The following GLCCI1 variants were observed in gnomAD, a reference collection of about 807,000 sequenced individuals.
GLCCI1 encodes the protein glucocorticoid induced 1.
A neutral mutation model predicts 52.2 loss-of-function variants in GLCCI1; 24 were observed. The observed-to-expected ratio is 0.46, with a 90% confidence interval of 0.33 to 0.65. The LOEUF is 0.65. Ranked by LOEUF, GLCCI1 falls within the 30% of genes least tolerant of loss-of-function variation. The pLI, the probability that GLCCI1 is intolerant of heterozygous loss-of-function variation, is 0.02. For synonymous variants in GLCCI1, 310 were observed against 276.5 expected (o/e 1.12, Z -1.20); for missense variants, 704 against 701.5 (o/e 1.00, Z -0.04).
At chr7:8,009,353 A>T (rs1266978275) in intron 2 of GLCCI1, among the ~76,000 whole-genome samples, 1 of 152,188 alleles carries the variant, frequency 6.6e-6, no homozygotes, top group Non-Finnish European at 1.5e-5. Flanking sequence ...TCTGTGTTTG[A>T]ATGTGTTTTT....
At chr7:8,038,283 A>G (rs4725060) in intron 3 of GLCCI1, among the ~76,000 whole-genome samples, 63,367 of 151,956 alleles carry the variant, frequency 0.42, 13,436 homozygotes, top group Middle Eastern at 0.52. Flanking sequence ...CTGAAAATTC[A>G]TATTGAAAAA....
rs927116295 is a variant in GLCCI1, at chr7:8,087,348, A to G, written c.*810A>G. 3 of 152,674 alleles carry G rather than the reference A, an allele frequency of 2.0e-5. No homozygotes were observed. The highest frequency in any genetic ancestry group is 4.4e-5 in the Non-Finnish European group (3 of 68,058). The allele number at this position is 152,674 out of a possible 1,614,324, so 9.5% of individuals were successfully genotyped here. ...TTGCATTCACTGTTTCAACATGTGT[A>G]CATGTGGCTTTTTTAAAAGTTCAGG... On this transcript the variant is annotated 3_prime_UTR_variant, in exon 8 of 8. Coordinates refer to ENST00000223145, the MANE Select transcript of GLCCI1 (RefSeq NM_138426.4).
At chr7:7,996,878 C>T (rs1780948614) in intron 1 of GLCCI1, among the ~76,000 whole-genome samples, 1 of 152,194 alleles carries the variant, frequency 6.6e-6, no homozygotes, top group Non-Finnish European at 1.5e-5. Flanking sequence ...TCAGATTCTA[C>T]CCACACTGAG....
intron 1 of GLCCI1, among the ~76,000 whole-genome samples, chr7:7,978,760 G>A (rs189994131): frequency 1.2e-3 from 190 of 152,208 alleles, no homozygotes; most frequent in Non-Finnish European, 2.2e-3. Flanking sequence ...TGTAATGCTG[G>A]TATCTTAGAA....
At chr7:7,973,251 A>G (rs1023982503) in intron 1 of GLCCI1, among the ~76,000 whole-genome samples, 31 of 152,224 alleles carry the variant, frequency 2.0e-4, no homozygotes, top group Non-Finnish European at 7.4e-5. Context: ...TAGTGTTAAA[A>G]TTAATGATCT....
At chr7:8,068,242 C>G (rs1463190535) in intron 5 of GLCCI1, among the ~76,000 whole-genome samples, 1 of 152,126 alleles carries the variant, frequency 6.6e-6, no homozygotes, top group Admixed American at 6.5e-5. Context: ...CCCAGCTACT[C>G]AGGAGGCTGA....
intron 6 of GLCCI1, among the ~76,000 whole-genome samples, chr7:8,080,257 TATTC>T (rs1416816727): frequency 1.3e-5 from 2 of 151,588 alleles, no homozygotes; most frequent in Non-Finnish European, 2.9e-5. Flanking sequence ...TTTTAAGTAC[TATTC>T]AGTCAATCAT....
chr7:8,051,564 A>C (rs1278963709), intron 3 of GLCCI1, among the ~76,000 whole-genome samples: 1 of 152,192 alleles, frequency 6.6e-6, no homozygotes, highest in Non-Finnish European at 1.5e-5. Context: ...AGAAAATCTT[A>C]TGTGGTGAAG....
chr7:8,006,061 G>C (rs1403867817), intron 2 of GLCCI1, among the ~76,000 whole-genome samples: 6 of 152,132 alleles, frequency 3.9e-5, no homozygotes, highest in Non-Finnish European at 5.9e-5. Flanking sequence ...GCCTCCCAAA[G>C]TGCTGAGATT....
chr7:7,976,474 C>CA (rs1465368339), intron 1 of GLCCI1, among the ~76,000 whole-genome samples: 3 of 10,364 alleles, frequency 2.9e-4, no homozygotes, highest in Non-Finnish European at 4.7e-4. Flanking sequence ...AGTGAAACTC[C>CA]ATCTCAAAAA....
intron 3 of GLCCI1, among the ~76,000 whole-genome samples, chr7:8,030,268 A>G (rs1781716817): frequency 6.6e-6 from 1 of 152,186 alleles, no homozygotes; most frequent in Non-Finnish European, 1.5e-5. Flanking sequence ...CATTTTTGAC[A>G]AAGGTGCTAA....
In GLCCI1 at chr7:8,087,569, A is replaced by G. The variant is rs991203818; in HGVS notation, c.*1031A>G. On this transcript the variant is annotated 3_prime_UTR_variant, in exon 8 of 8. Transcript: ENST00000223145. ...AGCCATCAGGGTCATAACTGTTACC[A>G]TTTTATCTAAAGACATATTTATATT... 3 of 152,520 alleles carry G rather than the reference A, an allele frequency of 2.0e-5. No individual in the cohort carries two copies. Among genetic ancestry groups the G allele is most frequent in the Non-Finnish European group, 2.9e-5 (2 of 68,034 alleles). The allele number at this position is 152,520 out of a possible 1,614,324, so 9.4% of individuals were successfully genotyped here.
chr7:8,029,233 T>C lies in GLCCI1; in HGVS notation c.696+6664T>C, dbSNP rs1000483330. On this transcript the variant is annotated intron_variant, in intron 3 of 7. Coordinates refer to ENST00000223145, the MANE Select transcript of GLCCI1 (RefSeq NM_138426.4). ...ATAACTAGCAAACCAAATTCAGCAA[T>C]ACTTTAAAAAGATCATTCATCCTGT... Among the ~76,000 whole-genome samples, 66 of 152,166 alleles carry C rather than the reference T, an allele frequency of 4.3e-4. 1 individual carries two copies. The highest frequency in any genetic ancestry group is 7.9e-4 in the Admixed American group (12 of 15,274).
intron 1 of GLCCI1, among the ~76,000 whole-genome samples, chr7:7,985,352 C>T (rs1780701444): frequency 6.6e-6 from 1 of 152,090 alleles, no homozygotes; most frequent in Non-Finnish European, 1.5e-5. Flanking sequence ...ATCCCTGGCT[C>T]CTGACATTTT....
At chr7:8,036,303 G>A (rs923892238) in intron 3 of GLCCI1, among the ~76,000 whole-genome samples, 1 of 152,094 alleles carries the variant, frequency 6.6e-6, no homozygotes, top group Non-Finnish European at 1.5e-5. Flanking sequence ...CTGAAACCAA[G>A]TAACTCATAG....
intron 3 of GLCCI1, among the ~76,000 whole-genome samples, chr7:8,026,727 T>C (rs540600617): frequency 1.3e-5 from 2 of 152,342 alleles, no homozygotes; most frequent in East Asian, 3.9e-4. Context: ...GGAGGGAACG[T>C]TTGGACCAAC....
At chr7:8,013,165 G>C (rs1175513195) in intron 2 of GLCCI1, among the ~76,000 whole-genome samples, 3 of 152,114 alleles carry the variant, frequency 2.0e-5, no homozygotes, top group Non-Finnish European at 4.4e-5. Context: ...AATTGGGAAA[G>C]ATTTTTTCCA....
At chr7:8,032,567 C>T (rs2127952051) in intron 3 of GLCCI1, among the ~76,000 whole-genome samples, 1 of 151,988 alleles carries the variant, frequency 6.6e-6, no homozygotes, top group South Asian at 2.1e-4. Flanking sequence ...GACATTACTA[C>T]CAACTGTACA....
At chr7:8,074,677 T>G (rs890875199) in intron 6 of GLCCI1, among the ~76,000 whole-genome samples, 30 of 152,016 alleles carry the variant, frequency 2.0e-4, no homozygotes, top group African/African-American at 5.8e-4. Flanking sequence ...AGAGCAAGAG[T>G]CCATCTCAAA....
Sources: allele counts gnomAD v4.1 joint callset (sites outside exome capture counted in the v4.1 genomes callset), GRCh38; gene constraint gnomAD v4.1.1; transcripts MANE v1.5; gene names NCBI Gene and HGNC (gene_info 2026-07-23, HGNC 2026-07-21).